Variants in TBXAS1 observed in about 807,000 individuals in gnomAD.
TBXAS1 encodes thromboxane A synthase 1, also known as thromboxane-A synthase.
TBXAS1 carries 48 observed loss-of-function variants against 60.7 expected under a neutral mutation model. The ratio of observed to expected loss-of-function variants is 0.79; its 90% confidence interval spans 0.63 to 1.01. The LOEUF (loss-of-function observed/expected upper bound fraction) is 1.01. TBXAS1 is among the 50% of genes least tolerant of loss of function. The pLI is 0.00. For missense variants in TBXAS1, 685 were observed against 686.3 expected (o/e 1.00, Z 0.02); for synonymous variants, 287 against 269.7 (o/e 1.06, Z -0.63).
upstream of TBXAS1, chr7:139,829,026 C>T (rs1416144208): frequency 2.6e-6 from 1 of 378,158 alleles, no homozygotes; most frequent in Non-Finnish European, 5.1e-6. Context: ...AAGAGTCTCT[C>T]TTTGAAGACT....
chr7:139,791,038 A>C (rs1797366072), intron 4 of TBXAS1, among the ~76,000 whole-genome samples: 1 of 152,218 alleles, frequency 6.6e-6, no homozygotes, highest in South Asian at 2.1e-4. Flanking sequence ...TCTTGAGCCC[A>C]AGCCATCCTC....
intron 1 of TBXAS1, 47 bp downstream of exon 1, chr7:139,829,526 C>G: frequency 6.4e-7 from 1 of 1,569,892 alleles, no homozygotes; most frequent in Non-Finnish European, 8.7e-7. Flanking sequence ...AGCCGTCTCA[C>G]CCTGGAGCCT....
At chr7:139,786,748 T>G (rs981834122) in intron 3 of TBXAS1, among the ~76,000 whole-genome samples, 2 of 152,186 alleles carry the variant, frequency 1.3e-5, no homozygotes, top group African/African-American at 4.8e-5. Context: ...ATGTTTCCAG[T>G]GGTGGTCATG....
chr7:139,992,493 T>C (rs1201942427), intron 9 of TBXAS1, among the ~76,000 whole-genome samples: 1 of 152,234 alleles, frequency 6.6e-6, no homozygotes, highest in Non-Finnish European at 1.5e-5. Flanking sequence ...CGTTTTTACT[T>C]TGTTTTGCCA....
intron 3 of TBXAS1, among the ~76,000 whole-genome samples, chr7:139,895,842 T>A (rs1188643599): frequency 6.6e-6 from 1 of 152,192 alleles, no homozygotes; most frequent in East Asian, 1.9e-4. Flanking sequence ...GGCAGGCCCA[T>A]GGCTGATGGA....
rs200999267 is a variant in TBXAS1 at position 139,781,837 on chromosome 7, C to CAAAA, written c.-232-809_-232-806dup. Among the ~76,000 whole-genome samples the CAAAA allele has an allele frequency of 1.4e-3, 97 of 67,212 alleles. 6 individuals are homozygous for CAAAA. Among genetic ancestry groups the CAAAA allele is most frequent in the African/African-American group, 5.6e-3 (87 of 15,630 alleles). The allele number at this position is 67,212 out of a possible 152,430, so 44.1% of individuals were successfully genotyped here. ...AGGCAACAAGAGCTAAATTCCATCT[C>CAAAA]AAAAAAAAAAAAAAAAAAAAAAAGG... On this transcript the variant is annotated intron_variant, in intron 2 of 16. Coordinates refer to the TBXAS1 transcript ENST00000336425.
intron 3 of TBXAS1, among the ~76,000 whole-genome samples, chr7:139,894,955 G>C (rs1169795343): frequency 6.6e-6 from 1 of 152,178 alleles, no homozygotes; most frequent in African/African-American, 2.4e-5. Context: ...GAAAAACCCA[G>C]ACATGGGCCA....
intron 4 of TBXAS1, among the ~76,000 whole-genome samples, chr7:139,918,072 C>T (rs1291082490): frequency 2.0e-5 from 3 of 152,180 alleles, no homozygotes; most frequent in African/African-American, 7.2e-5. Context: ...CTGTCTTTCT[C>T]CGCCCCAATC....
chr7:139,980,569 A>C (rs1179848077), intron 9 of TBXAS1, among the ~76,000 whole-genome samples: 2 of 151,938 alleles, frequency 1.3e-5, no homozygotes, highest in African/African-American at 4.8e-5. Flanking sequence ...CATTTTCAGA[A>C]AGTTAGGAGT....
At chr7:139,878,214 A>G (rs1405488817) in intron 3 of TBXAS1, among the ~76,000 whole-genome samples, 1 of 110,080 alleles carries the variant, frequency 9.1e-6, no homozygotes. Flanking sequence ...ATAGAAAGAG[A>G]TAGAGAGAGA....
At chr7:139,828,513 T>C (rs1215730233), upstream of TBXAS1, among the ~76,000 whole-genome samples, 1 of 152,238 alleles carries the variant, frequency 6.6e-6, no homozygotes, top group East Asian at 1.9e-4. Flanking sequence ...TGGGTCCTTT[T>C]GGGATTGCTG....
chr7:139,802,101 CTT>C (rs1174984699), intron 4 of TBXAS1, among the ~76,000 whole-genome samples: 1 of 152,188 alleles, frequency 6.6e-6, no homozygotes, highest in African/African-American at 2.4e-5. Context: ...TCTCATATCA[CTT>C]TGTTGGCTTA....
intron 1 of TBXAS1, among the ~76,000 whole-genome samples, chr7:139,851,606 A>C (rs919464626): frequency 6.6e-6 from 1 of 152,218 alleles, no homozygotes; most frequent in Admixed American, 6.5e-5. Flanking sequence ...AGTGCCTGAC[A>C]CAGAGTAGGC....
chr7:139,900,103 A>G (rs1658941080), intron 3 of TBXAS1, among the ~76,000 whole-genome samples: 1 of 152,238 alleles, frequency 6.6e-6, no homozygotes, highest in Admixed American at 6.5e-5. Context: ...TTAATCTCAA[A>G]GGTTTGAGAA....
At position 140,007,076 on chromosome 7, in the gene TBXAS1, C is replaced by T. The variant is rs372576422; in HGVS notation, c.1135-15C>T. Reference sequence around the variant, plus strand: ...CTAACACGAACTTCTCCCTTTGTCACGACCCCTCCATCAGATGGCCCCTGA... The same window carrying T: ...CTAACACGAACTTCTCCCTTTGTCATGACCCCTCCATCAGATGGCCCCTGA... On this transcript the variant is annotated splice_polypyrimidine_tract_variant and intron_variant, in intron 9 of 12. Transcript: ENST00000448866. 7.4e-6 allele frequency: 12 copies of T among 1,611,714 alleles called. No homozygotes were observed. Among genetic ancestry groups the T allele is most frequent in the South Asian group, 3.3e-5 (3 of 91,024 alleles).
At chr7:139,813,901 T>A (rs376706953) in intron 4 of TBXAS1, among the ~76,000 whole-genome samples, 7 of 152,322 alleles carry the variant, frequency 4.6e-5, no homozygotes, top group African/African-American at 1.7e-4. Context: ...CAGGTGCCAC[T>A]TCCTCTCCAC....
At position 139,865,452 on chromosome 7, in the gene TBXAS1, C is replaced by T. The variant is rs17161188; in HGVS notation, c.90-6783C>T. On this transcript the variant is annotated intron_variant, in intron 1 of 12. Transcript: ENST00000448866. ...CTTCCTCTTCACACCCAGATATGTG[C>T]GTGGAGTCAGCTTGCAGTACCTATC... 7.5e-3 allele frequency among the ~76,000 whole-genome samples: 1,147 copies of T among 152,140 alleles called. 20 individuals are homozygous for T. Among genetic ancestry groups the T allele is most frequent in the African/African-American group, 0.026 (1,069 of 41,468 alleles).
intron 4 of TBXAS1, among the ~76,000 whole-genome samples, chr7:139,810,990 T>C (rs759098935): frequency 6.6e-5 from 10 of 152,248 alleles, no homozygotes; most frequent in Non-Finnish European, 1.3e-4. Flanking sequence ...AGAGATTTTA[T>C]TCTCTCCCTA....
chr7:139,810,518 T>G (rs1307530344), intron 4 of TBXAS1, among the ~76,000 whole-genome samples: 3 of 152,150 alleles, frequency 2.0e-5, no homozygotes, highest in African/African-American at 7.2e-5. Flanking sequence ...ATTGACAATG[T>G]TTTTTGAGTT....
Sources: allele counts gnomAD v4.1 joint callset (sites outside exome capture counted in the v4.1 genomes callset), GRCh38; gene constraint gnomAD v4.1.1; transcripts MANE v1.5; gene names NCBI Gene and HGNC (gene_info 2026-07-23, HGNC 2026-07-21).